The following GSG1L variants were observed in gnomAD, a reference collection of about 807,000 sequenced individuals.
The protein encoded by GSG1L is germ cell-specific gene 1-like protein.
GSG1L carries 24 observed loss-of-function variants against 42.1 expected under a neutral mutation model. That is an observed-to-expected ratio of 0.57 (90% CI 0.41 to 0.80). GSG1L has a LOEUF of 0.80. GSG1L is among the 30% of genes least tolerant of loss of function. GSG1L has a pLI of 0.00. For missense variants in GSG1L, 445 were observed against 472.2 expected, an observed-to-expected ratio of 0.94 and a Z score of 0.53; for synonymous variants, 215 against 203.5, an observed-to-expected ratio of 1.06 and a Z score of -0.48.
chr16:27,974,410 G>A (rs186499764), intron 1 of GSG1L, among the ~76,000 whole-genome samples: 42 of 152,236 alleles, frequency 2.8e-4, no homozygotes, highest in African/African-American at 7.2e-4. Context: ...AGACCAGAGC[G>A]TTCTCTCAAA....
chr16:27,906,520 C>T (rs1390252246), intron 2 of GSG1L, among the ~76,000 whole-genome samples: 1 of 152,160 alleles, frequency 6.6e-6, no homozygotes, highest in Non-Finnish European at 1.5e-5. Context: ...GTGTGTCCAG[C>T]ATCCTGGGTC....
At chr16:27,877,152 C>T (rs773742433) in intron 3 of GSG1L, among the ~76,000 whole-genome samples, 2 of 152,180 alleles carry the variant, frequency 1.3e-5, no homozygotes, top group Non-Finnish European at 2.9e-5. Context: ...GGTGGCAGAG[C>T]CCTGTCTTCC....
rs369857690 is a variant in GSG1L, at chr16:27,817,928, CTG to C, written c.831-10376_831-10375del. On this transcript the variant is annotated intron_variant, in intron 5 of 6. Transcript: ENST00000447459. ...CCACATCCACCTCCTGACCCTATGA[CTG>C]GGGCTGCACCTGCTCTATCCTCCAG... 3.8e-3 allele frequency among the ~76,000 whole-genome samples: 581 copies of C among 152,344 alleles called. 4 individuals carry two copies. Among genetic ancestry groups the C allele is most frequent in the African/African-American group, 0.013 (530 of 41,594 alleles).
chr16:27,865,575 A>G (rs1366638026), intron 3 of GSG1L, among the ~76,000 whole-genome samples: 3 of 3,094 alleles, frequency 9.7e-4, no homozygotes, highest in Non-Finnish European at 1.5e-3. Flanking sequence ...ATATATATAC[A>G]CACACACATA....
chr16:27,936,718 T>C (rs1199135989), intron 2 of GSG1L, among the ~76,000 whole-genome samples: 1 of 152,246 alleles, frequency 6.6e-6, no homozygotes, highest in African/African-American at 2.4e-5. Context: ...TTGGTTCCTC[T>C]GGCTCAAAGT....
chr16:27,940,947 C>A (rs1467160292), intron 2 of GSG1L, among the ~76,000 whole-genome samples: 2 of 151,948 alleles, frequency 1.3e-5, no homozygotes, highest in Non-Finnish European at 2.9e-5. Context: ...AATTTAGCTG[C>A]TTTAAAATTA....
At chr16:27,935,076 G>C (rs1305720874) in intron 2 of GSG1L, among the ~76,000 whole-genome samples, 1 of 152,226 alleles carries the variant, frequency 6.6e-6, no homozygotes, top group East Asian at 1.9e-4. Flanking sequence ...GACTTGAGAA[G>C]GTGTTTATTT....
chr16:27,922,823 G>T (rs1045974892), intron 2 of GSG1L, among the ~76,000 whole-genome samples: 10 of 152,058 alleles, frequency 6.6e-5, no homozygotes, highest in Admixed American at 1.3e-4. Flanking sequence ...TCCCTCTGTT[G>T]CCCGGGCTGT....
intron 2 of GSG1L, among the ~76,000 whole-genome samples, chr16:27,897,047 A>T (rs1054460105): frequency 2.0e-5 from 3 of 152,196 alleles, no homozygotes; most frequent in Non-Finnish European, 4.4e-5. Context: ...TATTTTTAGC[A>T]GAGACAGTGT....
At chr16:27,798,537 A>C (rs1045323311) in intron 6 of GSG1L, among the ~76,000 whole-genome samples, 11 of 152,170 alleles carry the variant, frequency 7.2e-5, no homozygotes, top group Non-Finnish European at 1.5e-4. Context: ...GTATGGCCTG[A>C]AAGCAGAGCA....
At chr16:27,980,124 C>A (rs1279100003) in intron 1 of GSG1L, among the ~76,000 whole-genome samples, 1 of 152,058 alleles carries the variant, frequency 6.6e-6, no homozygotes, top group East Asian at 1.9e-4. Flanking sequence ...GGGCCACAGG[C>A]AAAATCAAGG....
At chr16:27,843,153 T>C (rs769612779) in intron 4 of GSG1L, among the ~76,000 whole-genome samples, 5 of 152,200 alleles carry the variant, frequency 3.3e-5, no homozygotes, top group Non-Finnish European at 5.9e-5. Context: ...AATGACTGAA[T>C]GGGTAAATGC....
intron 3 of GSG1L, among the ~76,000 whole-genome samples, chr16:27,847,845 G>A (rs1011762914): frequency 6.6e-6 from 1 of 152,176 alleles, no homozygotes; most frequent in African/African-American, 2.4e-5. Flanking sequence ...TGCTGTGATT[G>A]TAAGTTTCCT....
intron 4 of GSG1L, among the ~76,000 whole-genome samples, chr16:27,831,636 A>G (rs1308966455): frequency 6.6e-6 from 1 of 152,050 alleles, no homozygotes; most frequent in Non-Finnish European, 1.5e-5. Context: ...CTGGGGAGAG[A>G]GGGGGTTTGC....
chr16:27,972,199 G>A (rs142321854), intron 1 of GSG1L, among the ~76,000 whole-genome samples: 34 of 152,338 alleles, frequency 2.2e-4, no homozygotes, highest in African/African-American at 7.7e-4. Context: ...TTCCATTTCT[G>A]CTACATGGAC....
chr16:28,000,704 T>A (rs920699222), intron 1 of GSG1L, among the ~76,000 whole-genome samples: 2 of 152,108 alleles, frequency 1.3e-5, no homozygotes, highest in Admixed American at 1.3e-4. Context: ...TCTCAGAGTG[T>A]CATTTCTGGG....
intron 1 of GSG1L, among the ~76,000 whole-genome samples, chr16:27,997,998 T>C (rs1333650265): frequency 6.6e-6 from 1 of 152,104 alleles, no homozygotes. Flanking sequence ...TAGCTGAGAT[T>C]ACAGGCATGC....
At chr16:27,954,292 A>G (rs1490234924) in intron 2 of GSG1L, among the ~76,000 whole-genome samples, 1 of 152,248 alleles carries the variant, frequency 6.6e-6, no homozygotes, top group East Asian at 1.9e-4. Flanking sequence ...TAGAAAAAAA[A>G]GATGGCAGCA....
intron 1 of GSG1L, among the ~76,000 whole-genome samples, chr16:28,051,508 CG>C (rs1164789423): frequency 1.6e-4 from 19 of 118,076 alleles, no homozygotes; most frequent in African/African-American, 2.9e-4. Flanking sequence ...GGAAGTGTTA[CG>C]AAAAAAAAAA....
Sources: gnomAD v4.1 joint callset for allele counts (sites outside exome capture counted in the v4.1 genomes callset) on GRCh38, gnomAD v4.1.1 for gene constraint, MANE v1.5 for transcripts, NCBI Gene and HGNC (gene_info 2026-07-23, HGNC 2026-07-21) for gene names.